Variants in NEK10 observed in about 807,000 individuals in gnomAD.
NEK10 encodes serine/threonine-protein kinase Nek10.
In NEK10, 122 loss-of-function variants were observed where a neutral mutation model predicts 159.8. The observed-to-expected ratio is 0.76, with a 90% CI of 0.66 to 0.89. The LOEUF (loss-of-function observed/expected upper bound fraction) is 0.89, where lower values mean the gene tolerates loss of function less well. Ranked by LOEUF, NEK10 falls within the 40% of genes least tolerant of loss-of-function variation. The pLI is 0.00. For synonymous variants in NEK10, 466 were observed against 457.1 expected (o/e 1.02, Z -0.25); for missense variants, 1,342 against 1,323.1 (o/e 1.01, Z -0.22).
chr3:27,252,826 T>A (rs995915858), intron 23 of NEK10: 1 of 475,134 alleles, frequency 2.1e-6, no homozygotes. Flanking sequence ...GTTTGGTTTG[T>A]GGTAAAGCTG....
Position 27,291,522 on chromosome 3 carries a change from C to T in NEK10, c.1438G>A (p.Ala480Thr), listed in dbSNP as rs186207513. The change falls in exon 17 of 36, where the codon GCT becomes ACT. Residue 480 changes from alanine to threonine, a missense_variant. Ala to Thr is a moderately conservative substitution (Grantham distance 58, BLOSUM62 0). Transcript: ENST00000691995. ...DIGHYVRDIS[A>T]YEELVSKLNL... ...AGCTTGGATACCAATTCTTCATAAG[C>T]ACTGATATCACGTACATAATGCCCT... is the stretch of plus-strand genomic sequence containing the variant. The T allele has an allele frequency of 6.8e-5, 110 of 1,611,272 alleles. No homozygotes were observed. In the East Asian group the frequency reaches 2.3e-3, roughly 33 times the overall value.
intron 7 of NEK10, among the ~76,000 whole-genome samples, chr3:27,313,012 T>G (rs1399859380): frequency 1.3e-5 from 2 of 151,944 alleles, no homozygotes; most frequent in African/African-American, 4.8e-5. Context: ...TTTAGGAGAC[T>G]AGCCTGTTCC....
Position 27,214,116 on chromosome 3 carries a change from T to C in NEK10, c.2091-11559A>G, listed in dbSNP as rs115919815. Among the ~76,000 whole-genome samples the C allele has an allele frequency of 6.3e-3, 966 of 152,346 alleles. 3 individuals carry two copies. Among genetic ancestry groups the C allele is most frequent in the Non-Finnish European group, 0.011 (717 of 68,034 alleles). ...CTTAGATAATATCAGTTTTAACTAA[T>C]CATCAATCAGAAAATCTATGAATCC... is the stretch of plus-strand genomic sequence containing the variant. On this transcript the variant is annotated intron_variant, in intron 23 of 35. Coordinates refer to ENST00000691995, the MANE Select transcript of NEK10 (RefSeq NM_001394966.1).
intron 32 of NEK10, among the ~76,000 whole-genome samples, chr3:27,130,680 G>C (rs926801951): frequency 2.6e-5 from 4 of 152,046 alleles, no homozygotes; most frequent in African/African-American, 9.7e-5. Context: ...AAGAATAAGA[G>C]TTATATGACC....
chr3:27,201,517 T>C lies in NEK10; in HGVS notation c.2284A>G (p.Ile762Val). 6.2e-7 allele frequency: 1 copy of C among 1,613,802 alleles called. No homozygotes were observed. Among genetic ancestry groups the C allele is most frequent in the Admixed American group, 1.7e-5 (1 of 59,998 alleles). The change falls in exon 25 of 36, where the codon ATC becomes GTC. Residue 762 changes from isoleucine to valine, a missense_variant. Physicochemically the swap from Ile to Val is conservative, Grantham distance 29. Coordinates refer to ENST00000691995, the MANE Select transcript of NEK10 (RefSeq NM_001394966.1). ...AGCCGCAAGACTAATTACCTGCTGATGGTGTCTGTTACTTTTTCAGAGTAG... is the reference window on the plus strand; with the variant it reads ...AGCCGCAAGACTAATTACCTGCTGACGGTGTCTGTTACTTTTTCAGAGTAG... ...GIYSEKVTDT[I>V]SRCLTPDAEA... is the part of the protein sequence containing the mutation.
At chr3:27,323,216 G>C (rs187095266) in intron 5 of NEK10, among the ~76,000 whole-genome samples, 7 of 152,280 alleles carry the variant, frequency 4.6e-5, no homozygotes, top group African/African-American at 1.7e-4. Context: ...CCGAACAGTG[G>C]GGCTCTGGAA....
rs938691228 is a variant in NEK10 at position 27,280,912 on chromosome 3, G to C, written c.2014+3690C>G. Among the ~76,000 whole-genome samples the C allele has an allele frequency of 7.3e-5, 10 of 137,600 alleles. No individual in the cohort carries two copies. The South Asian group carries it at 9.8e-4, about 13-fold the overall frequency. The allele number at this position is 137,600 out of a possible 152,430, so 90.3% of individuals were successfully genotyped here. The stretch of plus-strand genomic sequence containing the variant: ...TATATGTGTGTGTATATGTACATAT[G>C]GTGTGTGTGTGTGTGTGTGTGTGTG... On this transcript the variant is annotated intron_variant, in intron 22 of 35. Coordinates refer to ENST00000691995, the MANE Select transcript of NEK10 (RefSeq NM_001394966.1).
At chr3:27,368,225 G>C (rs904679061) in intron 1 of NEK10, among the ~76,000 whole-genome samples, 3 of 152,088 alleles carry the variant, frequency 2.0e-5, no homozygotes. Flanking sequence ...CCGGAAGGCG[G>C]AGGCTGCAGT....
intron 26 of NEK10, among the ~76,000 whole-genome samples, chr3:27,178,943 T>C (rs1947793122): frequency 6.6e-6 from 1 of 152,192 alleles, no homozygotes; most frequent in Admixed American, 6.5e-5. Context: ...AGTTTTTGTT[T>C]GTTTTTTAGA....
At chr3:27,328,420 G>A (rs188792189) in intron 5 of NEK10, among the ~76,000 whole-genome samples, 1 of 152,208 alleles carries the variant, frequency 6.6e-6, no homozygotes, top group Non-Finnish European at 1.5e-5. Flanking sequence ...GATAAGATTA[G>A]CATCTGAGTT....
At chr3:27,358,143 C>G (rs940893990) in intron 1 of NEK10, among the ~76,000 whole-genome samples, 1 of 152,120 alleles carries the variant, frequency 6.6e-6, no homozygotes, top group African/African-American at 2.4e-5. Flanking sequence ...ACACTTGTAC[C>G]TATATGGGTT....
At chr3:27,287,657 A>G in intron 20 of NEK10, 41 bp downstream of exon 20, 1 of 1,545,898 alleles carries the variant, frequency 6.5e-7, no homozygotes, top group East Asian at 2.4e-5. Flanking sequence ...TGTGACAAAA[A>G]TGTTTCCTTA....
chr3:27,298,851 G>C (rs2043576114), intron 13 of NEK10, among the ~76,000 whole-genome samples: 1 of 152,170 alleles, frequency 6.6e-6, no homozygotes, highest in African/African-American at 2.4e-5. Context: ...CTTTGAACTT[G>C]AGAGAAATGA....
intron 23 of NEK10, among the ~76,000 whole-genome samples, chr3:27,209,049 C>G (rs1487919894): frequency 1.3e-5 from 2 of 152,184 alleles, no homozygotes; most frequent in South Asian, 4.1e-4. Context: ...ACCTTTAACA[C>G]AAATTTGAGA....
At chr3:27,344,669 T>TGG (rs1368597648) in intron 4 of NEK10, among the ~76,000 whole-genome samples, 1 of 152,200 alleles carries the variant, frequency 6.6e-6, no homozygotes, top group Non-Finnish European at 1.5e-5. Flanking sequence ...CACTAATGGC[T>TGG]AAAATTGGTT....
At chr3:27,321,235 C>T (rs1376318465) in intron 6 of NEK10, among the ~76,000 whole-genome samples, 1 of 152,006 alleles carries the variant, frequency 6.6e-6, no homozygotes, top group East Asian at 1.9e-4. Context: ...CTTTGCTACT[C>T]AAAGTATGGG....
At chr3:27,368,308 A>G (rs1388312794) in intron 1 of NEK10, among the ~76,000 whole-genome samples, 1 of 147,046 alleles carries the variant, frequency 6.8e-6, no homozygotes, top group African/African-American at 2.7e-5. Flanking sequence ...AGTCTTTTTT[A>G]GAAGGACTCC....
At chr3:27,299,474 G>A (rs992101453) in intron 13 of NEK10, among the ~76,000 whole-genome samples, 1 of 152,192 alleles carries the variant, frequency 6.6e-6, no homozygotes, top group Non-Finnish European at 1.5e-5. Context: ...CATCTGCTAG[G>A]GCAGTTCAGA....
rs1258503376 is a variant in NEK10, at chr3:27,109,392, A to AAG, written c.*1879_*1880insCT. 6.6e-6 allele frequency among the ~76,000 whole-genome samples: 1 copy of AAG among 151,810 alleles called. No individual in the cohort carries two copies. Among genetic ancestry groups the AAG allele is most frequent in the Non-Finnish European group, 1.5e-5 (1 of 67,932 alleles). On this transcript the variant is annotated 3_prime_UTR_variant, in exon 36 of 36. Coordinates refer to ENST00000691995, the MANE Select transcript of NEK10 (RefSeq NM_001394966.1). Reference sequence around the variant, plus strand: ...AGACTCTGTCTTAAAAAAAAAAAAAAAAAAAAAGAGTTAGATGGAAACATT... The same window carrying AAG: ...AGACTCTGTCTTAAAAAAAAAAAAAAAGAAAAAAAGAGTTAGATGGAAACATT...
Sources: allele counts gnomAD v4.1 joint callset (sites outside exome capture counted in the v4.1 genomes callset), GRCh38; gene constraint gnomAD v4.1.1; transcripts MANE v1.5; gene names NCBI Gene and HGNC (gene_info 2026-07-23, HGNC 2026-07-21).